ZNF169: variants seen among roughly 807,000 people sequenced by gnomAD.
ZNF169 encodes the protein zinc finger protein 169.
In ZNF169, 11 loss-of-function variants were observed where a neutral mutation model predicts 12.0. That is an observed-to-expected ratio of 0.92 (90% CI 0.58 to 1.52). The LOEUF (loss-of-function observed/expected upper bound fraction) is 1.52. Among genes scored for constraint, ZNF169 ranks in the 40% most tolerant of loss-of-function variants. ZNF169 has a pLI of 0.00. For synonymous variants in ZNF169, 302 were observed against 286.5 expected (o/e 1.05, Z -0.55); for missense variants, 722 against 744.0 (o/e 0.97, Z 0.34).
rs1225716789 is a variant in ZNF169 at position 94,293,267 on chromosome 9, T to C, written c.256+198T>C. 1.2e-5 allele frequency: 7 copies of C among 606,438 alleles called. No homozygotes were observed. In the Admixed American group the frequency reaches 2.0e-4, roughly 17 times the overall value. 37.6% of individuals were successfully genotyped at this position (606,438 alleles called of 1,614,324 possible). A position where few individuals can be genotyped will look rare whatever the true frequency, so the allele number is the denominator to read the frequency against. ...GACAGGGCACCCCTGGCATTCCATC[T>C]CCTTCCTCCATCAGGGAGCCTCACT... On this transcript the variant is annotated intron_variant, in intron 4 of 4. Coordinates refer to ENST00000395395, the MANE Select transcript of ZNF169 (RefSeq NM_194320.4).
At position 94,294,829 on chromosome 9, in the gene ZNF169, A is replaced by T. The variant is rs187923494; in HGVS notation, c.256+1760A>T. ...TAGAAATCCCATATAAATTATGGAA[A>T]CATTTAGGTCTTTAACTGGAATTAA... is the stretch of plus-strand genomic sequence containing the variant. On this transcript the variant is annotated intron_variant, in intron 4 of 4. Transcript: ENST00000395395. 2.0e-3 allele frequency: 306 copies of T among 152,348 alleles called. 1 individual carries two copies. The highest frequency in any genetic ancestry group is 6.3e-3 in the African/African-American group (260 of 41,580). The allele number at this position is 152,348 out of a possible 1,614,324, so 9.4% of individuals were successfully genotyped here.
intron 4 of ZNF169, among the ~76,000 whole-genome samples, chr9:94,298,526 C>T (rs1830994843): frequency 6.6e-6 from 1 of 152,014 alleles, no homozygotes; most frequent in African/African-American, 2.4e-5. Context: ...CACCTAAGGT[C>T]AGGAGTTCAA....
chr9:94,263,314 A>T lies in ZNF169; in HGVS notation c.-56+3969A>T, dbSNP rs139148031. Reference sequence around the variant, plus strand: ...TTTGTTATATCTTCCTGATGAATTGACTGTTTTATTTTCATGAAACATCCC... The same window carrying T: ...TTTGTTATATCTTCCTGATGAATTGTCTGTTTTATTTTCATGAAACATCCC... On this transcript the variant is annotated intron_variant, in intron 1 of 4. Coordinates refer to ENST00000395395, the MANE Select transcript of ZNF169 (RefSeq NM_194320.4). Among the ~76,000 whole-genome samples, 602 of 152,266 alleles carry T rather than the reference A, an allele frequency of 4.0e-3. 1 individual carries two copies. Among genetic ancestry groups the T allele is most frequent in the Non-Finnish European group, 6.2e-3 (425 of 68,016 alleles).
At position 94,271,030 on chromosome 9, in the gene ZNF169, A is replaced by C. The variant is rs1336435920; in HGVS notation, c.-55-7728A>C. Among the ~76,000 whole-genome samples the C allele has an allele frequency of 6.7e-5, 6 of 89,570 alleles. 1 individual carries two copies. Among genetic ancestry groups the C allele is most frequent in the African/African-American group, 2.5e-4 (6 of 23,766 alleles). 58.8% of individuals were successfully genotyped at this position (89,570 alleles called of 152,430 possible). On this transcript the variant is annotated intron_variant, in intron 1 of 4. Coordinates refer to ENST00000395395, the MANE Select transcript of ZNF169 (RefSeq NM_194320.4). Reference sequence around the variant, plus strand: ...TTATATAAATATACATAAATAATATATGTATTTATATATATATAAATATAT... The same window carrying C: ...TTATATAAATATACATAAATAATATCTGTATTTATATATATATAAATATAT...
chr9:94,301,132 A>G lies in ZNF169; in HGVS notation c.1574A>G (p.Gln525Arg), dbSNP rs201803760. ...VDRVCGQGLG[Q>R]KSHLISDQRT... ...AGGGTGTGTGGACAAGGACTTGGCC[A>G]GAAGTCACACCTTATCTCTGACCAA... Residue 525 changes from glutamine to arginine, a missense_variant, in exon 5 of 5, where the codon CAG (glutamine) becomes CGG (arginine). Physicochemically the swap from Gln to Arg is conservative, Grantham distance 43. Coordinates refer to ENST00000395395, the MANE Select transcript of ZNF169 (RefSeq NM_194320.4). 1.9e-6 allele frequency: 3 copies of G among 1,614,190 alleles called. No homozygotes were observed.
rs1445825041 is a variant in ZNF169 at position 94,292,400 on chromosome 9, G to A, written c.93G>A (p.Leu31=). ...TCACCCAGAAGGAGTGGAAGCTATT[G>A]AGTTCTGCTCAGAGGACCCTGTACA... ...VAFTQKEWKL[L]SSAQRTLYRE... Residue 31 remains leucine, a synonymous_variant, in exon 3 of 5, where the codon TTG becomes TTA. Coordinates refer to ENST00000395395, the MANE Select transcript of ZNF169 (RefSeq NM_194320.4). 3.7e-6 allele frequency: 6 copies of A among 1,614,184 alleles called. No homozygotes were observed. The highest frequency in any genetic ancestry group is 5.1e-6 in the Non-Finnish European group (6 of 1,180,026).
At chr9:94,265,112 A>G (rs1830271013) in intron 1 of ZNF169, among the ~76,000 whole-genome samples, 1 of 149,878 alleles carries the variant, frequency 6.7e-6, no homozygotes, top group Non-Finnish European at 1.5e-5. Context: ...CCTGCCATAC[A>G]GTCTTCAAAA....
chr9:94,300,596 C>A lies in ZNF169; in HGVS notation c.1038C>A (p.Phe346Leu). The A allele has an allele frequency of 6.2e-7, 1 of 1,613,910 alleles. No homozygotes were observed. Among genetic ancestry groups the A allele is most frequent in the Non-Finnish European group, 8.5e-7 (1 of 1,179,958 alleles). Residue 346 changes from phenylalanine (F) to leucine (L), a missense_variant, in exon 5 of 5, where the codon TTC becomes TTA. Transcript: ENST00000395395. Reference protein sequence around the residue: ...HQRTHLEEKPFVCPECGRGFC... With the variant: ...HQRTHLEEKPLVCPECGRGFC... ...GGACGCACTTGGAGGAGAAGCCCTT[C>A]GTGTGTCCTGAGTGTGGGAGAGGCT...
chr9:94,297,968 A>C (rs1286465518), intron 4 of ZNF169, among the ~76,000 whole-genome samples: 4 of 152,064 alleles, frequency 2.6e-5, no homozygotes, highest in Non-Finnish European at 5.9e-5. Context: ...GGAGTTTGAG[A>C]CCAGCCTGGC....
At chr9:94,270,746 T>A (rs1363455364) in intron 1 of ZNF169, among the ~76,000 whole-genome samples, 1 of 88,172 alleles carries the variant, frequency 1.1e-5, no homozygotes, top group South Asian at 2.8e-4. Context: ...ATTAATGTAT[T>A]TATATAATAT....
chr9:94,267,856 T>C (rs1309083166), intron 1 of ZNF169, among the ~76,000 whole-genome samples: 1 of 134,392 alleles, frequency 7.4e-6, no homozygotes, highest in African/African-American at 2.6e-5. Context: ...ATTATAAAAC[T>C]GCCTTCTTTT....
chr9:94,271,669 G>A (rs991803613), intron 1 of ZNF169, among the ~76,000 whole-genome samples: 1 of 144,572 alleles, frequency 6.9e-6, no homozygotes, highest in African/African-American at 2.6e-5. Context: ...GCAGTGAGCT[G>A]AGATTGTGCC....
At chr9:94,298,959 C>T (rs1831003117) in intron 4 of ZNF169, among the ~76,000 whole-genome samples, 2 of 152,138 alleles carry the variant, frequency 1.3e-5, no homozygotes, top group East Asian at 1.9e-4. Flanking sequence ...ATGCTTAAGC[C>T]GAAATATGTA....
intron 4 of ZNF169, among the ~76,000 whole-genome samples, chr9:94,297,340 A>G (rs966377049): frequency 2.0e-5 from 3 of 152,194 alleles, no homozygotes; most frequent in Non-Finnish European, 4.4e-5. Context: ...CAGGCCTTAC[A>G]TATCTCTTGT....
chr9:94,300,718 C>G lies in ZNF169; in HGVS notation c.1160C>G (p.Ser387Ter). Residue 387 changes from serine to a stop codon, truncating the protein, a stop_gained, in exon 5 of 5, where the codon TCA becomes TGA. Coordinates refer to ENST00000395395, the MANE Select transcript of ZNF169 (RefSeq NM_194320.4). LOFTEE classifies it low-confidence loss of function (END_TRUNC). ...TGTGGGCGTAGCTTCAGGCAGCAGT[C>G]ACTCCTCCTTAGTCACCAGGTCACA... ...LECGRSFRQQ[S>*]LLLSHQVTHS... The G allele has an allele frequency of 6.2e-7, 1 of 1,612,608 alleles. No individual in the cohort carries two copies. Among genetic ancestry groups the G allele is most frequent in the Non-Finnish European group, 8.5e-7 (1 of 1,179,512 alleles).
intron 2 of ZNF169, among the ~76,000 whole-genome samples, chr9:94,291,859 G>T (rs1830846154): frequency 1.3e-5 from 2 of 152,304 alleles, no homozygotes; most frequent in South Asian, 4.1e-4. Context: ...CTGTGTTTAT[G>T]GATTTGAAGA....
At chr9:94,292,518 C>T (rs1268493426) in intron 3 of ZNF169, 51 bp downstream of exon 3, 1 of 1,577,256 alleles carries the variant, frequency 6.3e-7, no homozygotes, top group Non-Finnish European at 8.6e-7. Flanking sequence ...GTATTTTAAG[C>T]TCTTACATAG....
chr9:94,265,535 G>C (rs1050104701), intron 1 of ZNF169, among the ~76,000 whole-genome samples: 3 of 148,502 alleles, frequency 2.0e-5, no homozygotes, highest in African/African-American at 5.0e-5. Flanking sequence ...AGCCAAGATC[G>C]CCCCATTGCA....
intron 1 of ZNF169, among the ~76,000 whole-genome samples, chr9:94,273,825 C>T (rs752811517): frequency 6.6e-6 from 1 of 152,210 alleles, no homozygotes; most frequent in Non-Finnish European, 1.5e-5. Flanking sequence ...GTGATCCGCC[C>T]AGCTTGGCCT....
Sources: allele counts gnomAD v4.1 joint callset (sites outside exome capture counted in the v4.1 genomes callset), GRCh38; gene constraint gnomAD v4.1.1; transcripts MANE v1.5; gene names NCBI Gene and HGNC (gene_info 2026-07-23, HGNC 2026-07-21).